Variants in GRM8 observed in about 807,000 individuals in gnomAD.
GRM8 encodes the protein glutamate metabotropic receptor 8.
In GRM8, 47 loss-of-function variants were observed where a neutral mutation model predicts 87.2. The observed-to-expected ratio is 0.54, with a 90% confidence interval of 0.43 to 0.69. GRM8 has a LOEUF of 0.69. Ranked by LOEUF, GRM8 falls within the 30% of genes least tolerant of loss-of-function variation. The pLI is 0.00. For synonymous variants in GRM8, 396 were observed against 404.5 expected (o/e 0.98, Z 0.25); for missense variants, 1,019 against 1,139.2 (o/e 0.89, Z 1.52).
chr7:126,613,993 C>A (rs979310662), intron 7 of GRM8, among the ~76,000 whole-genome samples: 20 of 152,320 alleles, frequency 1.3e-4, no homozygotes, highest in Admixed American at 1.0e-3. Flanking sequence ...CCTCTGCAGA[C>A]TTAAATGTCC....
chr7:127,174,602 A>G (rs2299545), intron 2 of GRM8, among the ~76,000 whole-genome samples: 28,930 of 152,146 alleles, frequency 0.19, 3,127 homozygotes, highest in Non-Finnish European at 0.25. Context: ...TAACTTCTCA[A>G]TTATTTTTCA....
intron 2 of GRM8, among the ~76,000 whole-genome samples, chr7:127,232,237 G>GAGAC (rs1175680763): frequency 7.8e-4 from 109 of 140,468 alleles, no homozygotes; most frequent in Admixed American, 2.4e-3. Context: ...GAGAGAGAGA[G>GAGAC]AGACAGACAG....
chr7:126,782,661 A>G (rs1174725758), intron 6 of GRM8, among the ~76,000 whole-genome samples: 2 of 152,158 alleles, frequency 1.3e-5, no homozygotes, highest in East Asian at 3.8e-4. Flanking sequence ...CTAAACACAA[A>G]CGATTTTATA....
intron 7 of GRM8, among the ~76,000 whole-genome samples, chr7:126,649,445 G>T (rs531520360): frequency 6.6e-6 from 1 of 152,294 alleles, no homozygotes; most frequent in Non-Finnish European, 1.5e-5. Context: ...TCAGCTTTGG[G>T]ACTCAGACTG....
At chr7:127,132,365 CT>C (rs938766049) in intron 2 of GRM8, among the ~76,000 whole-genome samples, 15 of 152,148 alleles carry the variant, frequency 9.9e-5, no homozygotes, top group African/African-American at 3.6e-4. Flanking sequence ...CATTTTGTTC[CT>C]TTTAATTATT....
At chr7:126,982,251 T>C (rs2131865741) in intron 3 of GRM8, among the ~76,000 whole-genome samples, 1 of 152,304 alleles carries the variant, frequency 6.6e-6, no homozygotes, top group African/African-American at 2.4e-5. Flanking sequence ...GCTGATTAGA[T>C]GGTGCCTATC....
chr7:126,769,912 A>G lies in GRM8; in HGVS notation c.1310T>C (p.Ile437Thr), dbSNP rs1818645523. The G allele has an allele frequency of 3.1e-6, 5 of 1,613,018 alleles. No individual in the cohort carries two copies. Among genetic ancestry groups the G allele is most frequent in the Non-Finnish European group, 4.2e-6 (5 of 1,179,218 alleles). ...YIGLCPRMST[I>T]DGKELLGYIR... ...ATAACCAAGTAGCTCTTTCCCATCA[A>G]TGGTACTCATTCGTGGACAAAGGCC... Residue 437 changes from isoleucine (I) to threonine (T), a missense_variant, in exon 7 of 11, where the codon ATT (isoleucine) becomes ACT (threonine). Coordinates refer to ENST00000339582, the MANE Select transcript of GRM8 (RefSeq NM_000845.3).
rs546001481 is a variant in GRM8 at position 127,237,165 on chromosome 7, A to G, written c.510+5530T>C. ...CTCTGTAGCTGGGAGTTTAAGTGCT[A>G]CTTACCAGTCCTCTCTCACCTAAGG... On this transcript the variant is annotated intron_variant, in intron 2 of 10. Transcript: ENST00000339582. Among the ~76,000 whole-genome samples, 23 of 152,344 alleles carry G rather than the reference A, an allele frequency of 1.5e-4. No individual in the cohort carries two copies. In the South Asian group the frequency reaches 4.6e-3, roughly 30 times the overall value.
rs866517968 is a variant in GRM8 at position 126,745,772 on chromosome 7, A to T, written c.1357+24093T>A. On this transcript the variant is annotated intron_variant, in intron 7 of 10. Transcript: ENST00000339582. ...ATGCTTATTGAATTTCTTCTTGCAC[A>T]CTGGATTTTCACAAGATTATTCCTC... is the stretch of plus-strand genomic sequence containing the variant. Among the ~76,000 whole-genome samples, 5 of 151,660 alleles carry T rather than the reference A, an allele frequency of 3.3e-5. No homozygotes were observed. In the South Asian group the frequency reaches 1.0e-3, roughly 31 times the overall value.
chr7:126,559,696 C>A (rs1585051873), intron 8 of GRM8, among the ~76,000 whole-genome samples: 1 of 152,142 alleles, frequency 6.6e-6, no homozygotes, highest in Non-Finnish European at 1.5e-5. Context: ...AAAAAATGCT[C>A]AATTGATTCT....
At chr7:127,211,312 T>G in intron 2 of GRM8, among the ~76,000 whole-genome samples, 1 of 152,118 alleles carries the variant, frequency 6.6e-6, no homozygotes. Flanking sequence ...GCTGAAGAAG[T>G]TGGAGTCTGA....
rs569697239 is a variant in GRM8 at position 126,796,937 on chromosome 7, G to A, written c.1157-26872C>T. On this transcript the variant is annotated intron_variant, in intron 6 of 10. Coordinates refer to ENST00000339582, the MANE Select transcript of GRM8 (RefSeq NM_000845.3). ...TTTAGGATAAATAAATGTGGGTTGC[G>A]AGATTTAATAAATAAATATACACGA... 5.9e-5 allele frequency among the ~76,000 whole-genome samples: 9 copies of A among 152,160 alleles called. No homozygotes were observed. In the South Asian group the frequency reaches 1.5e-3, roughly 25 times the overall value.
At chr7:126,973,248 T>G (rs947533580) in intron 3 of GRM8, among the ~76,000 whole-genome samples, 1 of 152,196 alleles carries the variant, frequency 6.6e-6, no homozygotes, top group Non-Finnish European at 1.5e-5. Context: ...CCCCAGAGGA[T>G]GCTGATGCTG....
intron 9 of GRM8, among the ~76,000 whole-genome samples, chr7:126,513,608 G>A (rs886545718): frequency 2.1e-4 from 32 of 152,204 alleles, no homozygotes; most frequent in African/African-American, 6.7e-4. Context: ...TTGCTCTACT[G>A]TCTGTTATCA....
intron 3 of GRM8, among the ~76,000 whole-genome samples, chr7:127,045,522 G>A (rs994523676): frequency 5.9e-5 from 9 of 151,874 alleles, no homozygotes; most frequent in African/African-American, 1.9e-4. Context: ...TCCTGTAACT[G>A]TATTCTACAT....
chr7:126,989,964 G>C (rs1812488052), intron 3 of GRM8, among the ~76,000 whole-genome samples: 1 of 151,884 alleles, frequency 6.6e-6, no homozygotes, highest in Non-Finnish European at 1.5e-5. Flanking sequence ...AAAAAAATGG[G>C]GGATAGGAAG....
chr7:126,613,291 T>C (rs1277718002), intron 7 of GRM8, among the ~76,000 whole-genome samples: 1 of 152,194 alleles, frequency 6.6e-6, no homozygotes, highest in Non-Finnish European at 1.5e-5. Context: ...GCGAATTTTT[T>C]TTTTGTCCAC....
At position 126,787,755 on chromosome 7, in the gene GRM8, CT is replaced by C. The variant is rs574985396; in HGVS notation, c.1157-17691del. Among the ~76,000 whole-genome samples the C allele has an allele frequency of 1.4e-3, 217 of 151,946 alleles. 1 individual carries two copies. The highest frequency in any genetic ancestry group is 4.9e-3 in the African/African-American group (203 of 41,470). ...TGCCCTGACTTGCTGTGGTCGATATCTTTTTTTTATTTCTATTTCTGGATAT... is the reference window on the plus strand; with the variant it reads ...TGCCCTGACTTGCTGTGGTCGATATCTTTTTTTATTTCTATTTCTGGATAT... On this transcript the variant is annotated intron_variant, in intron 6 of 10. Transcript: ENST00000339582.
At chr7:126,770,700 T>G (rs1370752308) in intron 6 of GRM8, among the ~76,000 whole-genome samples, 1 of 152,084 alleles carries the variant, frequency 6.6e-6, no homozygotes, top group African/African-American at 2.4e-5. Flanking sequence ...TTGGGCATAT[T>G]TAGGGCTGCT....
Sources: gnomAD v4.1 joint callset for allele counts (sites outside exome capture counted in the v4.1 genomes callset) on GRCh38, gnomAD v4.1.1 for gene constraint, MANE v1.5 for transcripts, NCBI Gene and HGNC (gene_info 2026-07-23, HGNC 2026-07-21) for gene names.